Variants in KHDC3L observed in about 807,000 individuals in gnomAD.
KHDC3L encodes the protein KH domain containing 3 like, subcortical maternal complex member.
In KHDC3L, 6 loss-of-function variants were observed where a neutral mutation model predicts 11.4. The ratio of observed to expected loss-of-function variants is 0.52; its 90% confidence interval spans 0.29 to 1.03. The LOEUF (loss-of-function observed/expected upper bound fraction) is 1.03. Among genes scored for constraint, KHDC3L ranks in the 50% least tolerant of loss-of-function variants. KHDC3L has a pLI of 0.09. For missense variants in KHDC3L, 293 were observed against 290.4 expected, an observed-to-expected ratio of 1.01 and a Z score of -0.07; for synonymous variants, 127 against 120.9, an observed-to-expected ratio of 1.05 and a Z score of -0.33.
At chr6:73,363,406 G>T in intron 2 of KHDC3L, 132 bp downstream of exon 2, 1 of 1,395,926 alleles carries the variant, frequency 7.2e-7, no homozygotes. Context: ...GGGAGGGGGC[G>T]GTTCTCGCTG....
chr6:73,362,854 C>A lies in KHDC3L; in HGVS notation c.125C>A (p.Pro42Gln). ...SWFHSEFLKN[P>Q]KVVRLEVWLV... Reference sequence around the variant, plus strand: ...TTCCACTCTGAGTTCCTGAAGAATCCGAAGGTAGTTCGCCTTGAGGTTTGG... The same window carrying A: ...TTCCACTCTGAGTTCCTGAAGAATCAGAAGGTAGTTCGCCTTGAGGTTTGG... Residue 42 changes from proline (P) to glutamine (Q), a missense_variant, in exon 1 of 3, where the codon CCG becomes CAG. Coordinates refer to ENST00000370367, the MANE Select transcript of KHDC3L (RefSeq NM_001017361.3). 6.2e-7 allele frequency: 1 copy of A among 1,614,194 alleles called. No individual in the cohort carries two copies. Among genetic ancestry groups the A allele is most frequent in the Non-Finnish European group, 8.5e-7 (1 of 1,180,038 alleles).
chr6:73,363,914 T>C lies in KHDC3L; in HGVS notation c.*54T>C. On this transcript the variant is annotated 3_prime_UTR_variant, in exon 3 of 3. Coordinates refer to ENST00000370367, the MANE Select transcript of KHDC3L (RefSeq NM_001017361.3). ...AGTCAGGGGTTAAAGTGAAAGCCCG[T>C]ATTTCCGCCCAGAAGCTGGGGTTGG... 6.4e-7 allele frequency: 1 copy of C among 1,569,302 alleles called. No individual in the cohort carries two copies. Among genetic ancestry groups the C allele is most frequent in the Non-Finnish European group, 8.7e-7 (1 of 1,152,678 alleles).
In KHDC3L at chr6:73,362,809, T is replaced by G. The variant is rs749321389; in HGVS notation, c.80T>G (p.Leu27Arg). The part of the protein sequence containing the change: ...KAMPVEVLGH[L>R]PKRFSWFHSE... Reference sequence around the variant, plus strand: ...ATGCCAGTGGAGGTGCTCGGTCACCTCCCTAAGCGGTTCTCCTGGTTCCAC... The same window carrying G: ...ATGCCAGTGGAGGTGCTCGGTCACCGCCCTAAGCGGTTCTCCTGGTTCCAC... Residue 27 changes from leucine to arginine, a missense_variant, in exon 1 of 3, where the codon CTC becomes CGC. By Grantham distance (102) the Leu-to-Arg change is moderately radical. Coordinates refer to ENST00000370367, the MANE Select transcript of KHDC3L (RefSeq NM_001017361.3). 6.2e-7 allele frequency: 1 copy of G among 1,614,000 alleles called. No individual in the cohort carries two copies. Among genetic ancestry groups the G allele is most frequent in the Non-Finnish European group, 8.5e-7 (1 of 1,180,026 alleles).
At chr6:73,363,035 T>A in intron 1 of KHDC3L, 60 bp from the exon 2 acceptor site, 1 of 1,608,114 alleles carries the variant, frequency 6.2e-7, no homozygotes, top group Non-Finnish European at 8.5e-7. Context: ...CCTTCCACCT[T>A]CCCCTCCCAA....
chr6:73,364,023 T>A lies in KHDC3L; in HGVS notation c.*163T>A. On this transcript the variant is annotated 3_prime_UTR_variant, in exon 3 of 3. Transcript: ENST00000370367. Reference sequence around the variant, plus strand: ...TGAGTTCTAATAAAGAATTGCAAAGTGGAAGCCCGCCCCCCGCCTCCCCCC... The same window carrying A: ...TGAGTTCTAATAAAGAATTGCAAAGAGGAAGCCCGCCCCCCGCCTCCCCCC... The A allele has an allele frequency of 1.3e-6, 1 of 757,188 alleles. No homozygotes were observed. The highest frequency in any genetic ancestry group is 1.7e-5 in the South Asian group (1 of 60,598). The allele number at this position is 757,188 out of a possible 1,614,324, so 46.9% of individuals were successfully genotyped here.
rs1267639775 is a variant in KHDC3L at position 73,363,567 on chromosome 6, G to A, written c.361G>A (p.Ala121Thr). The A allele has an allele frequency of 1.1e-5, 17 of 1,609,232 alleles. No homozygotes were observed. The highest frequency in any genetic ancestry group is 1.4e-5 in the Non-Finnish European group (16 of 1,179,874). The change falls in exon 3 of 3, where the codon GCC becomes ACC. Residue 121 changes from alanine (A) to threonine (T), a missense_variant. Coordinates refer to ENST00000370367, the MANE Select transcript of KHDC3L (RefSeq NM_001017361.3). Reference sequence around the variant, plus strand: ...TGCTCTTCTTCCAGGCTCAGGAAAGGCCCTCGCCCAGGATGTCGCCACTCA... The same window carrying A: ...TGCTCTTCTTCCAGGCTCAGGAAAGACCCTCGCCCAGGATGTCGCCACTCA... The part of the protein sequence containing the change: ...RQLQAKGSGK[A>T]LAQDVATQKA...
rs1311338803 is a variant in KHDC3L, at chr6:73,363,644, G to GC, written c.439dup (p.Arg147ProfsTer70). ...TAGAAGTCCGGGAGGCCGGGACGCA[G>GC]CGTTCGGTGGAGGTCCGGGAGGCCG... On this transcript the variant is annotated frameshift_variant, in exon 3 of 3. Transcript: ENST00000370367. LOFTEE classifies it low-confidence loss of function (END_TRUNC). The GC allele has an allele frequency of 1.9e-6, 3 of 1,613,108 alleles. No homozygotes were observed. The South Asian group carries it at 3.3e-5, about 18-fold the overall frequency.
chr6:73,363,388 G>T, intron 2 of KHDC3L, 114 bp downstream of exon 2: 1 of 1,443,230 alleles, frequency 6.9e-7, no homozygotes, highest in Non-Finnish European at 9.6e-7. Flanking sequence ...CCTGCGGTTG[G>T]TGGGTGGGGG....
Position 73,363,091 on chromosome 6 carries a change from G to T in KHDC3L, c.170-4G>T. On this transcript the variant is annotated splice_polypyrimidine_tract_variant and splice_region_variant and intron_variant, in intron 1 of 2. Coordinates refer to ENST00000370367, the MANE Select transcript of KHDC3L (RefSeq NM_001017361.3). The stretch of plus-strand genomic sequence containing the variant: ...CCCTCACAGCCTCTCTGCTACCCGC[G>T]CAGGCCGGGGCGGAGAACGCATCCC... 1 of 1,613,782 alleles carries T rather than the reference G, an allele frequency of 6.2e-7. No individual in the cohort carries two copies. Among genetic ancestry groups the T allele is most frequent in the Non-Finnish European group, 8.5e-7 (1 of 1,180,022 alleles).
At position 73,363,116 on chromosome 6, in the gene KHDC3L, C is replaced by T. The variant is rs1242601835; in HGVS notation, c.191C>T (p.Pro64Leu). ...GCAGGCCGGGGCGGAGAACGCATCCCGCACGTCCAGGGTATGTCCCAAATC... is the reference window on the plus strand; with the variant it reads ...GCAGGCCGGGGCGGAGAACGCATCCTGCACGTCCAGGGTATGTCCCAAATC... ...KIFGRGGERI[P>L]HVQGMSQILI... Residue 64 changes from proline to leucine, a missense_variant, in exon 2 of 3, where the codon CCG (proline) becomes CTG (leucine). Coordinates refer to ENST00000370367, the MANE Select transcript of KHDC3L (RefSeq NM_001017361.3). 5 of 1,614,000 alleles carry T rather than the reference C, an allele frequency of 3.1e-6. No individual in the cohort carries two copies. The highest frequency in any genetic ancestry group is 2.5e-6 in the Non-Finnish European group (3 of 1,180,048).
Position 73,363,776 on chromosome 6 carries a change from G to C in KHDC3L, c.570G>C (p.Gly190=). 6.2e-7 allele frequency: 1 copy of C among 1,612,898 alleles called. No homozygotes were observed. The highest frequency in any genetic ancestry group is 8.5e-7 in the Non-Finnish European group (1 of 1,179,638). Reference sequence around the variant, plus strand: ...CTCTCCAGGCTGCCAACAAGTCGGGGACCCAGCGATCCCCCGAAGCTGCCA... The same window carrying C: ...CTCTCCAGGCTGCCAACAAGTCGGGCACCCAGCGATCCCCCGAAGCTGCCA... ...QQSLQAANKS[G]TQRSPEAASK... The change falls in exon 3 of 3, where the codon GGG becomes GGC. Residue 190 remains glycine, a synonymous_variant. Coordinates refer to ENST00000370367, the MANE Select transcript of KHDC3L (RefSeq NM_001017361.3).
chr6:73,364,040 C>T lies in KHDC3L; in HGVS notation c.*180C>T. The T allele has an allele frequency of 4.4e-6, 3 of 676,442 alleles. No individual in the cohort carries two copies. In the East Asian group the frequency reaches 8.2e-5, roughly 18 times the overall value. 41.9% of individuals were successfully genotyped at this position (676,442 alleles called of 1,614,324 possible). A position where few individuals can be genotyped will look rare whatever the true frequency, so the allele number is the denominator to read the frequency against. On this transcript the variant is annotated 3_prime_UTR_variant, in exon 3 of 3. Coordinates refer to ENST00000370367, the MANE Select transcript of KHDC3L (RefSeq NM_001017361.3). ...TTGCAAAGTGGAAGCCCGCCCCCCG[C>T]CTCCCCCCCGCCTCACTTAAGTCCA...
rs1241027501 is a variant in KHDC3L, at chr6:73,363,649, C to T, written c.443C>T (p.Ser148Leu). 6.2e-6 allele frequency: 10 copies of T among 1,612,962 alleles called. No homozygotes were observed. In the South Asian group the frequency reaches 9.9e-5, roughly 16 times the overall value. The change falls in exon 3 of 3, where the codon TCG becomes TTG. Residue 148 changes from serine to leucine, a missense_variant. Transcript: ENST00000370367. ...GTCCGGGAGGCCGGGACGCAGCGTT[C>T]GGTGGAGGTCCGGGAGGCCGGGACC... Reference protein sequence around the residue: ...IEVREAGTQRSVEVREAGTQR... With the variant: ...IEVREAGTQRLVEVREAGTQR...
Position 73,363,912 on chromosome 6 carries a change from C to A in KHDC3L, c.*52C>A. 1 of 1,570,978 alleles carries A rather than the reference C, an allele frequency of 6.4e-7. No individual in the cohort carries two copies. ...CCAGTCAGGGGTTAAAGTGAAAGCC[C>A]GTATTTCCGCCCAGAAGCTGGGGTT... On this transcript the variant is annotated 3_prime_UTR_variant, in exon 3 of 3. Transcript: ENST00000370367.
chr6:73,363,021 T>A, intron 1 of KHDC3L, 74 bp from the exon 2 acceptor site: 1 of 1,601,030 alleles, frequency 6.2e-7, no homozygotes, highest in Non-Finnish European at 8.5e-7. Context: ...TCTGGCTGTC[T>A]CCTCCTTCCA....
rs756091222 is a variant in KHDC3L, at chr6:73,363,797, T to G, written c.591T>G (p.Ala197=). Residue 197 remains alanine, a synonymous_variant, in exon 3 of 3, where the codon GCT becomes GCG. Coordinates refer to ENST00000370367, the MANE Select transcript of KHDC3L (RefSeq NM_001017361.3). ...NKSGTQRSPE[A]ASKAVTQRFR... ...CGGGGACCCAGCGATCCCCCGAAGC[T>G]GCCAGCAAGGCAGTGACCCAGCGGT... 2 of 1,612,478 alleles carry G rather than the reference T, an allele frequency of 1.2e-6. No individual in the cohort carries two copies. The highest frequency in any genetic ancestry group is 1.7e-5 in the Admixed American group (1 of 59,916).
chr6:73,363,996 C>G lies in KHDC3L; in HGVS notation c.*136C>G, dbSNP rs1768918648. ...TCTGTTGCATGGTTGCAAACACAAA[C>G]TTGAGTTCTAATAAAGAATTGCAAA... is the stretch of plus-strand genomic sequence containing the variant. On this transcript the variant is annotated 3_prime_UTR_variant, in exon 3 of 3. Transcript: ENST00000370367. 6 of 941,676 alleles carry G rather than the reference C, an allele frequency of 6.4e-6. No individual in the cohort carries two copies. In the East Asian group the frequency reaches 1.3e-4, roughly 21 times the overall value. The allele number at this position is 941,676 out of a possible 1,614,324, so 58.3% of individuals were successfully genotyped here. A position where few individuals can be genotyped will look rare whatever the true frequency, so the allele number is the denominator to read the frequency against.
chr6:73,362,727 A>T lies in KHDC3L; in HGVS notation c.-3A>T. 6.2e-7 allele frequency: 1 copy of T among 1,614,062 alleles called. No individual in the cohort carries two copies. Among genetic ancestry groups the T allele is most frequent in the Non-Finnish European group, 8.5e-7 (1 of 1,179,992 alleles). On this transcript the variant is annotated 5_prime_UTR_variant, in exon 1 of 3. Coordinates refer to ENST00000370367, the MANE Select transcript of KHDC3L (RefSeq NM_001017361.3). ...CCTTGTCTCCTGCAGGACCGGCCGC[A>T]GCATGGACGCTCCCAGGCGGTTTCC...
intron 1 of KHDC3L, 91 bp from the exon 2 acceptor site, chr6:73,363,004 A>G (rs1297333285): frequency 6.2e-7 from 1 of 1,604,070 alleles, no homozygotes; most frequent in Non-Finnish European, 8.5e-7. Flanking sequence ...ACCAGTAGCC[A>G]ATGCCCTCTG....
Sources: gnomAD v4.1 joint callset for allele counts on GRCh38, gnomAD v4.1.1 for gene constraint, MANE v1.5 for transcripts, NCBI Gene and HGNC (gene_info 2026-07-23, HGNC 2026-07-21) for gene names.